The following FRS2 variants were observed in gnomAD, a reference collection of about 807,000 sequenced individuals.
FRS2 encodes the protein fibroblast growth factor receptor substrate 2, also known as FGFR signalling adaptor.
A neutral mutation model predicts 43.9 loss-of-function variants in FRS2; 8 were observed. The ratio of observed to expected loss-of-function variants is 0.18; its 90% CI spans 0.11 to 0.33. The LOEUF is 0.33. Ranked by LOEUF, FRS2 falls within the 10% of genes least tolerant of loss-of-function variation. FRS2 has a pLI of 1.00. For synonymous variants in FRS2, 219 were observed against 220.3 expected (o/e 0.99, Z 0.05); for missense variants, 534 against 627.6 (o/e 0.85, Z 1.59).
rs566208804 is a variant in FRS2, at chr12:69,527,678, T to C, written c.-260-3187T>C. On this transcript the variant is annotated intron_variant, in intron 1 of 8. Coordinates refer to ENST00000549921, the MANE Select transcript of FRS2 (RefSeq NM_001278356.2). ...CCACCGTGTGCTTTAACCTTTTTGA[T>C]TGGGAAATTCTGAGAATTAACTAAT... 3.3e-5 allele frequency among the ~76,000 whole-genome samples: 5 copies of C among 152,272 alleles called. No homozygotes were observed. The South Asian group carries it at 1.0e-3, about 32-fold the overall frequency.
intron 1 of FRS2, among the ~76,000 whole-genome samples, chr12:69,501,632 A>C (rs500308): frequency 0.094 from 14,254 of 152,244 alleles, 880 homozygotes; most frequent in Non-Finnish European, 0.14. Flanking sequence ...TAAGTGTTAG[A>C]TTCACTGTAG....
intron 1 of FRS2, among the ~76,000 whole-genome samples, chr12:69,498,456 C>T (rs910377544): frequency 6.0e-5 from 9 of 151,116 alleles, no homozygotes; most frequent in Admixed American, 4.0e-4. Context: ...TTCATGCGGC[C>T]CAGGATGGCT....
chr12:69,545,332 C>T (rs1347454767), intron 3 of FRS2, among the ~76,000 whole-genome samples: 1 of 152,116 alleles, frequency 6.6e-6, no homozygotes, highest in Non-Finnish European at 1.5e-5. Context: ...CTAAAACAAT[C>T]TTGAAAAAGA....
At chr12:69,503,450 G>A (rs1024641040) in intron 1 of FRS2, among the ~76,000 whole-genome samples, 5 of 152,108 alleles carry the variant, frequency 3.3e-5, no homozygotes, top group African/African-American at 9.7e-5. Flanking sequence ...ATTTTACAGG[G>A]TATATACATC....
chr12:69,471,208 C>T (rs1175352234), intron 1 of FRS2, among the ~76,000 whole-genome samples: 1 of 151,894 alleles, frequency 6.6e-6, no homozygotes, highest in African/African-American at 2.4e-5. Context: ...AAAAAACTTG[C>T]TTAAGGAAAA....
intron 1 of FRS2, among the ~76,000 whole-genome samples, chr12:69,485,645 G>C (rs1046415231): frequency 7.3e-5 from 11 of 151,442 alleles, no homozygotes; most frequent in African/African-American, 2.7e-4. Flanking sequence ...TTCATGCCCG[G>C]CTAATCAAGA....
chr12:69,575,066 T>C lies in FRS2; in HGVS notation c.*111T>C. On this transcript the variant is annotated 3_prime_UTR_variant, in exon 9 of 9. Transcript: ENST00000549921. Reference sequence around the variant, plus strand: ...ACTCCTTTTATAGACTGATAAAATTTTTTTCTGAATATTTCATGTGCATCT... The same window carrying C: ...ACTCCTTTTATAGACTGATAAAATTCTTTTCTGAATATTTCATGTGCATCT... The C allele has an allele frequency of 1.5e-6, 1 of 687,752 alleles. No individual in the cohort carries two copies. The allele number at this position is 687,752 out of a possible 1,614,324, so 42.6% of individuals were successfully genotyped here. A position where few individuals can be genotyped will look rare whatever the true frequency, so the allele number is the denominator to read the frequency against.
At chr12:69,550,030 C>A (rs1176745019) in intron 3 of FRS2, among the ~76,000 whole-genome samples, 2 of 152,152 alleles carry the variant, frequency 1.3e-5, no homozygotes, top group African/African-American at 2.4e-5. Context: ...TTGATGGCTC[C>A]CAAATCTCTC....
intron 1 of FRS2, among the ~76,000 whole-genome samples, chr12:69,493,424 A>G (rs1205385333): frequency 6.6e-6 from 1 of 152,240 alleles, no homozygotes; most frequent in Non-Finnish European, 1.5e-5. Context: ...CGTCATCTGA[A>G]TTAAGAAATT....
At chr12:69,557,885 A>C (rs1879560976) in intron 3 of FRS2, 1 of 152,136 alleles carries the variant, frequency 6.6e-6, no homozygotes, top group Non-Finnish European at 1.5e-5. Context: ...ATCATCTTCC[A>C]TTTTAGCTTT....
At chr12:69,510,294 G>A (rs1177248424) in intron 1 of FRS2, among the ~76,000 whole-genome samples, 1 of 152,086 alleles carries the variant, frequency 6.6e-6, no homozygotes, top group Non-Finnish European at 1.5e-5. Flanking sequence ...AGTGCCCTCG[G>A]TAGAGTTAAT....
intron 3 of FRS2, among the ~76,000 whole-genome samples, chr12:69,552,034 G>A (rs1417877882): frequency 6.6e-6 from 1 of 151,726 alleles, no homozygotes; most frequent in African/African-American, 2.4e-5. Context: ...GGCCGGGCAC[G>A]GTGGCTCATG....
At chr12:69,543,643 T>C (rs1441655204) in intron 3 of FRS2, among the ~76,000 whole-genome samples, 1 of 152,220 alleles carries the variant, frequency 6.6e-6, no homozygotes, top group Non-Finnish European at 1.5e-5. Context: ...TGTAGTGTGC[T>C]CAGGAAAATT....
chr12:69,513,894 G>A (rs2135582498), intron 1 of FRS2, among the ~76,000 whole-genome samples: 1 of 152,068 alleles, frequency 6.6e-6, no homozygotes, highest in South Asian at 2.1e-4. Context: ...GTGTTCCTTT[G>A]AAATAAATCT....
At chr12:69,521,327 T>C (rs540173128) in intron 1 of FRS2, among the ~76,000 whole-genome samples, 1 of 152,324 alleles carries the variant, frequency 6.6e-6, no homozygotes, top group Admixed American at 6.5e-5. Flanking sequence ...TTTCTAGATA[T>C]AGAATTATGT....
chr12:69,573,498 G>T (rs753155610), intron 8 of FRS2, among the ~76,000 whole-genome samples: 31 of 150,302 alleles, frequency 2.1e-4, no homozygotes, highest in Non-Finnish European at 3.9e-4. Context: ...GCCTCACTCT[G>T]TTGCCCAGGC....
chr12:69,566,652 T>C lies in FRS2; in HGVS notation c.-26-2353T>C, dbSNP rs76202462. Among the ~76,000 whole-genome samples, 81 of 152,000 alleles carry C rather than the reference T, an allele frequency of 5.3e-4. No individual in the cohort carries two copies. The East Asian group carries it at 9.3e-3, about 17-fold the overall frequency. The stretch of plus-strand genomic sequence containing the variant: ...AGAATATGTGCCATGTAAGTTGGTA[T>C]GCTTAGTGCCCTGGAAAATGAACAA... On this transcript the variant is annotated intron_variant, in intron 4 of 8. Coordinates refer to ENST00000549921, the MANE Select transcript of FRS2 (RefSeq NM_001278356.2).
Position 69,578,389 on chromosome 12 carries a change from A to T in FRS2, c.*3434A>T, listed in dbSNP as rs1593086897. 1 of 152,738 alleles carries T rather than the reference A, an allele frequency of 6.5e-6. No homozygotes were observed. Among genetic ancestry groups the T allele is most frequent in the East Asian group, 1.9e-4 (1 of 5,188 alleles). The allele number at this position is 152,738 out of a possible 1,614,324, so 9.5% of individuals were successfully genotyped here. A position where few individuals can be genotyped will look rare whatever the true frequency, so the allele number is the denominator to read the frequency against. Reference sequence around the variant, plus strand: ...GTACGAAATTACAGAATGTAAAGAAAATGTTTTTGGCTTGAAAAATTAACA... The same window carrying T: ...GTACGAAATTACAGAATGTAAAGAATATGTTTTTGGCTTGAAAAATTAACA... On this transcript the variant is annotated 3_prime_UTR_variant, in exon 9 of 9. Coordinates refer to ENST00000549921, the MANE Select transcript of FRS2 (RefSeq NM_001278356.2).
chr12:69,478,581 A>G (rs903968261), intron 1 of FRS2, among the ~76,000 whole-genome samples: 1 of 152,160 alleles, frequency 6.6e-6, no homozygotes, highest in African/African-American at 2.4e-5. Flanking sequence ...TGAATGAAAT[A>G]ATTCATCTTT....
Sources: allele counts gnomAD v4.1 joint callset (sites outside exome capture counted in the v4.1 genomes callset), GRCh38; gene constraint gnomAD v4.1.1; transcripts MANE v1.5; gene names NCBI Gene and HGNC (gene_info 2026-07-23, HGNC 2026-07-21).